The following CUL2 variants were observed in gnomAD, a reference collection of about 807,000 sequenced individuals.
The protein encoded by CUL2 is cullin 2.
A neutral mutation model predicts 110.2 loss-of-function variants in CUL2; 22 were observed. The observed-to-expected ratio is 0.20, with a 90% CI of 0.14 to 0.28. The LOEUF (loss-of-function observed/expected upper bound fraction) is 0.28. CUL2 is among the 10% of genes least tolerant of loss of function. The pLI is 1.00. For synonymous variants in CUL2, 279 were observed against 293.2 expected (o/e 0.95, Z 0.49); for missense variants, 631 against 905.5 (o/e 0.70, Z 3.89).
chr10:35,096,256 A>C (rs1167268047), intron 2 of CUL2, among the ~76,000 whole-genome samples: 1 of 151,932 alleles, frequency 6.6e-6, no homozygotes, highest in Non-Finnish European at 1.5e-5. Flanking sequence ...AAAGAAAAAA[A>C]CAAAACAAAA....
intron 19 of CUL2, among the ~76,000 whole-genome samples, chr10:35,013,186 A>G (rs1159343123): frequency 6.6e-6 from 1 of 152,076 alleles, no homozygotes; most frequent in Admixed American, 6.6e-5. Context: ...TAAAAGTACA[A>G]AAAACAAAAT....
At chr10:35,020,921 A>G (rs1379794584) in intron 17 of CUL2, among the ~76,000 whole-genome samples, 1 of 147,316 alleles carries the variant, frequency 6.8e-6, no homozygotes, top group African/African-American at 2.5e-5. Context: ...ACTCTCCTTT[A>G]CGTAGCTTGG....
At chr10:35,116,202 G>A (rs991683574) in intron 1 of CUL2, among the ~76,000 whole-genome samples, 4 of 152,054 alleles carry the variant, frequency 2.6e-5, no homozygotes, top group Non-Finnish European at 4.4e-5. Flanking sequence ...AATTAGCCAG[G>A]TGTGGTGGCA....
chr10:35,104,518 T>G (rs2087428798), intron 1 of CUL2, among the ~76,000 whole-genome samples: 1 of 152,258 alleles, frequency 6.6e-6, no homozygotes, highest in South Asian at 2.1e-4. Context: ...TTATTTTGAT[T>G]GCCTAGAACC....
chr10:35,096,715 A>C (rs2087304830), intron 2 of CUL2, among the ~76,000 whole-genome samples: 1 of 152,178 alleles, frequency 6.6e-6, no homozygotes, highest in Non-Finnish European at 1.5e-5. Context: ...TCAAAGGGGC[A>C]CAGGAGCCAA....
At chr10:35,080,965 G>A (rs2086933104) in intron 1 of CUL2, among the ~76,000 whole-genome samples, 2 of 152,208 alleles carry the variant, frequency 1.3e-5, no homozygotes, top group African/African-American at 4.8e-5. Context: ...TGTAATCCTA[G>A]TACTTTGGGA....
At chr10:35,070,519 G>A (rs1248724865) in intron 2 of CUL2, among the ~76,000 whole-genome samples, 1 of 152,200 alleles carries the variant, frequency 6.6e-6, no homozygotes, top group African/African-American at 2.4e-5. Context: ...CACTAGTTAG[G>A]TCTAGCAGAT....
intron 1 of CUL2, among the ~76,000 whole-genome samples, chr10:35,089,098 C>T (rs1292991376): frequency 6.6e-6 from 1 of 152,180 alleles, no homozygotes; most frequent in Non-Finnish European, 1.5e-5. Context: ...TTGCTTGAAC[C>T]CGGGAGGCGG....
chr10:35,124,828 C>T (rs1443289337), intron 1 of CUL2, among the ~76,000 whole-genome samples: 1 of 152,054 alleles, frequency 6.6e-6, no homozygotes, highest in Non-Finnish European at 1.5e-5. Context: ...TCCTCCCGAC[C>T]CAGAAAGGGA....
intron 1 of CUL2, among the ~76,000 whole-genome samples, chr10:35,106,203 G>C (rs150623395): frequency 6.6e-6 from 1 of 152,234 alleles, no homozygotes; most frequent in African/African-American, 2.4e-5. Flanking sequence ...GTCATGTGAG[G>C]ACATAGCAAG....
At chr10:35,021,684 C>A (rs920441893) in intron 17 of CUL2, among the ~76,000 whole-genome samples, 1 of 150,702 alleles carries the variant, frequency 6.6e-6, no homozygotes, top group Admixed American at 6.7e-5. Flanking sequence ...TCACTCTGGG[C>A]TCTGGTGACC....
chr10:35,117,128 C>T (rs1192175974), intron 1 of CUL2, among the ~76,000 whole-genome samples: 3 of 152,062 alleles, frequency 2.0e-5, no homozygotes, highest in Non-Finnish European at 4.4e-5. Flanking sequence ...AAAACTGGTC[C>T]AAAATCTAAG....
At chr10:35,068,467 A>C (rs2086593177) in intron 2 of CUL2, among the ~76,000 whole-genome samples, 1 of 152,142 alleles carries the variant, frequency 6.6e-6, no homozygotes. Flanking sequence ...AAAAATCAAG[A>C]TAGTAGTTAG....
At chr10:35,013,176 TA>T (rs1412415787) in intron 19 of CUL2, among the ~76,000 whole-genome samples, 3 of 151,848 alleles carry the variant, frequency 2.0e-5, no homozygotes, top group Non-Finnish European at 4.4e-5. Flanking sequence ...CCGTCTATAC[TA>T]AAAGTACAAA....
intron 15 of CUL2, 41 bp downstream of exon 15, chr10:35,029,447 A>T (rs377746353): frequency 5.3e-6 from 7 of 1,324,366 alleles, no homozygotes; most frequent in Non-Finnish European, 7.2e-6. Flanking sequence ...CAACGTACTG[A>T]AATGATTAGT....
chr10:35,121,809 CAAAAAA>C (rs148455667), intron 1 of CUL2, among the ~76,000 whole-genome samples: 1 of 94,130 alleles, frequency 1.1e-5, no homozygotes, highest in Non-Finnish European at 2.1e-5. Context: ...GACCCTGTCT[CAAAAAA>C]AAAAAAAAAA....
Position 35,010,158 on chromosome 10 carries a change from G to T in CUL2, c.*153C>A, listed in dbSNP as rs1266148368. 3 of 537,726 alleles carry T rather than the reference G, an allele frequency of 5.6e-6. No homozygotes were observed. Among genetic ancestry groups the T allele is most frequent in the Admixed American group, 4.4e-5 (1 of 22,654 alleles). 33.3% of individuals were successfully genotyped at this position (537,726 alleles called of 1,614,324 possible). A position where few individuals can be genotyped will look rare whatever the true frequency, so the allele number is the denominator to read the frequency against. ...AATATCTCTAGGCATTTTCTTTGACGCTCATGACGTGGCACTGGTGATGTT... is the reference window on the plus strand; with the variant it reads ...AATATCTCTAGGCATTTTCTTTGACTCTCATGACGTGGCACTGGTGATGTT... On this transcript the variant is annotated 3_prime_UTR_variant, in exon 21 of 21. Coordinates refer to ENST00000374749, the MANE Select transcript of CUL2 (RefSeq NM_003591.4).
In CUL2 at chr10:35,031,706, A is replaced by G. The variant is rs1233359212; in HGVS notation, c.1171-87T>C. ...GGAGGCAAAGTGGTGATACAAGGTAAGATCAGCGGACAGAATTTTTGCTGT... is the reference window on the plus strand; with the variant it reads ...GGAGGCAAAGTGGTGATACAAGGTAGGATCAGCGGACAGAATTTTTGCTGT... On this transcript the variant is annotated intron_variant, in intron 12 of 20. Coordinates refer to ENST00000374749, the MANE Select transcript of CUL2 (RefSeq NM_003591.4). The surrounding 1 kb of genome is among the most constrained non-coding windows in gnomAD (Gnocchi z 4.4). The G allele has an allele frequency of 7.0e-7, 1 of 1,428,788 alleles. No individual in the cohort carries two copies. The highest frequency in any genetic ancestry group is 1.4e-5 in the African/African-American group (1 of 70,318). The allele number at this position is 1,428,788 out of a possible 1,614,324, so 88.5% of individuals were successfully genotyped here.
chr10:35,068,471 T>C (rs1000904778), intron 2 of CUL2, among the ~76,000 whole-genome samples: 1 of 152,068 alleles, frequency 6.6e-6, no homozygotes, highest in Non-Finnish European at 1.5e-5. Context: ...ATCAAGATAG[T>C]AGTTAGCTCC....
Sources: allele counts gnomAD v4.1 joint callset (sites outside exome capture counted in the v4.1 genomes callset), GRCh38; gene constraint gnomAD v4.1.1; non-coding constraint Gnocchi (gnomAD v3.1); transcripts MANE v1.5; gene names NCBI Gene and HGNC (gene_info 2026-07-23, HGNC 2026-07-21).